The following CADM2 variants were observed in gnomAD, a reference collection of about 807,000 sequenced individuals.
CADM2 encodes cell adhesion molecule 2.
In CADM2, 12 loss-of-function variants were observed where a neutral mutation model predicts 49.8. That is an observed-to-expected ratio of 0.24 (90% CI 0.15 to 0.39). The LOEUF (loss-of-function observed/expected upper bound fraction) is 0.39. CADM2 is among the 10% of genes least tolerant of loss of function. CADM2 has a pLI of 1.00. For synonymous variants in CADM2, 214 were observed against 175.4 expected (o/e 1.22, Z -1.74); for missense variants, 378 against 492.3 (o/e 0.77, Z 2.20).
At chr3:85,302,486 C>T (rs1358989398) in intron 1 of CADM2, among the ~76,000 whole-genome samples, 1 of 151,938 alleles carries the variant, frequency 6.6e-6, no homozygotes, top group African/African-American at 2.4e-5. Context: ...CTAATGTTTC[C>T]CTACATATTC....
At chr3:85,978,880 C>T (rs1405214622) in intron 8 of CADM2, among the ~76,000 whole-genome samples, 2 of 151,294 alleles carry the variant, frequency 1.3e-5, no homozygotes, top group South Asian at 2.1e-4. Context: ...TTTTAAATGA[C>T]TCAGTGAACA....
intron 1 of CADM2, among the ~76,000 whole-genome samples, chr3:85,032,878 T>A (rs1576077777): frequency 6.6e-6 from 1 of 152,178 alleles, no homozygotes; most frequent in African/African-American, 2.4e-5. Flanking sequence ...GACTCTACAA[T>A]AAACTTTTCA....
At chr3:86,038,088 T>C (rs912053804) in intron 8 of CADM2, among the ~76,000 whole-genome samples, 1 of 152,190 alleles carries the variant, frequency 6.6e-6, no homozygotes, top group Non-Finnish European at 1.5e-5. Flanking sequence ...CATACAGTGT[T>C]TGACTTTCTG....
At chr3:85,312,168 C>T (rs1365040985) in intron 1 of CADM2, among the ~76,000 whole-genome samples, 1 of 152,038 alleles carries the variant, frequency 6.6e-6, no homozygotes, top group East Asian at 1.9e-4. Context: ...ACGTTAGAAT[C>T]ATCTCTTCAT....
chr3:86,030,057 T>A (rs1734374012), intron 8 of CADM2, among the ~76,000 whole-genome samples: 1 of 151,804 alleles, frequency 6.6e-6, no homozygotes, highest in Non-Finnish European at 1.5e-5. Flanking sequence ...GGGGGATCTT[T>A]AAAAAAGAAG....
intron 8 of CADM2, among the ~76,000 whole-genome samples, chr3:86,055,744 A>G (rs903842322): frequency 6.6e-6 from 1 of 152,084 alleles, no homozygotes; most frequent in Non-Finnish European, 1.5e-5. Context: ...TAAGATTTCA[A>G]CACATGAATT....
intron 1 of CADM2, among the ~76,000 whole-genome samples, chr3:85,357,311 G>A (rs570467210): frequency 6.6e-6 from 1 of 152,090 alleles, no homozygotes; most frequent in South Asian, 2.1e-4. Context: ...TTTAATATGT[G>A]TCTATGACTA....
chr3:85,499,682 C>G (rs2040038570), intron 1 of CADM2, among the ~76,000 whole-genome samples: 1 of 151,812 alleles, frequency 6.6e-6, no homozygotes, highest in African/African-American at 2.4e-5. Flanking sequence ...TTTTAAGATA[C>G]AGTTGGGAAA....
At chr3:85,605,207 G>T (rs1007546504) in intron 1 of CADM2, among the ~76,000 whole-genome samples, 17 of 152,010 alleles carry the variant, frequency 1.1e-4, no homozygotes, top group South Asian at 6.2e-4. Flanking sequence ...TGTATAATAA[G>T]AAGAATAAAC....
chr3:85,770,969 T>A (rs1456383286), intron 2 of CADM2, among the ~76,000 whole-genome samples: 1 of 152,216 alleles, frequency 6.6e-6, no homozygotes, highest in Non-Finnish European at 1.5e-5. Context: ...CTGTGATACA[T>A]GTCATGATAC....
intron 3 of CADM2, among the ~76,000 whole-genome samples, chr3:85,818,290 C>T (rs2073341663): frequency 6.6e-6 from 1 of 152,126 alleles, no homozygotes; most frequent in African/African-American, 2.4e-5. Flanking sequence ...GACTCTGTTA[C>T]TTTTCATGTT....
intron 3 of CADM2, among the ~76,000 whole-genome samples, chr3:85,880,475 T>G (rs1712585856): frequency 2.0e-5 from 3 of 152,204 alleles, no homozygotes; most frequent in African/African-American, 7.2e-5. Flanking sequence ...ATTTTTTCTT[T>G]AAGACAGTCC....
At chr3:85,557,721 A>G (rs1435683183) in intron 1 of CADM2, among the ~76,000 whole-genome samples, 1 of 152,038 alleles carries the variant, frequency 6.6e-6, no homozygotes, top group Non-Finnish European at 1.5e-5. Context: ...ATTACTTTCA[A>G]AAAAGCTACA....
intron 5 of CADM2, among the ~76,000 whole-genome samples, chr3:85,897,027 C>T (rs1489700782): frequency 6.6e-6 from 1 of 151,714 alleles, no homozygotes; most frequent in African/African-American, 2.4e-5. Flanking sequence ...TTTCAGAACC[C>T]GTGGGATTAG....
intron 2 of CADM2, among the ~76,000 whole-genome samples, chr3:85,770,262 A>C (rs2325036): frequency 0.41 from 62,517 of 151,862 alleles, 13,545 homozygotes; most frequent in East Asian, 0.76. Context: ...GAATCCTCAC[A>C]TGGCTGTAAA....
intron 1 of CADM2, among the ~76,000 whole-genome samples, chr3:85,558,556 G>T (rs1247875631): frequency 6.6e-6 from 1 of 151,934 alleles, no homozygotes; most frequent in African/African-American, 2.4e-5. Context: ...TTCTGATAAT[G>T]CCATCATTTT....
chr3:85,063,161 T>G (rs2036398618), intron 1 of CADM2, among the ~76,000 whole-genome samples: 1 of 152,002 alleles, frequency 6.6e-6, no homozygotes, highest in Non-Finnish European at 1.5e-5. Context: ...AAAATATTTA[T>G]TTTATACCTT....
intron 8 of CADM2, among the ~76,000 whole-genome samples, chr3:86,026,022 T>A (rs569413587): frequency 6.6e-6 from 1 of 152,240 alleles, no homozygotes; most frequent in African/African-American, 2.4e-5. Context: ...TATATGAAAA[T>A]AAATATATTA....
intron 8 of CADM2, chr3:85,979,140 T>A: frequency 6.2e-7 from 1 of 1,604,420 alleles, no homozygotes; most frequent in Non-Finnish European, 8.5e-7. Flanking sequence ...ATGATTTTGT[T>A]TATATTTTTT....
Sources: allele counts gnomAD v4.1 joint callset (sites outside exome capture counted in the v4.1 genomes callset), GRCh38; gene constraint gnomAD v4.1.1; transcripts MANE v1.5; gene names NCBI Gene and HGNC (gene_info 2026-07-23, HGNC 2026-07-21).